Variants in KIRREL1 observed in about 807,000 individuals in gnomAD.
The protein encoded by KIRREL1 is kin of IRRE-like protein 1.
KIRREL1 carries 25 observed loss-of-function variants against 83.3 expected under a neutral mutation model. The ratio of observed to expected loss-of-function variants is 0.30; its 90% CI spans 0.22 to 0.42. KIRREL1 has a LOEUF of 0.42. Ranked by LOEUF, KIRREL1 falls within the 10% of genes least tolerant of loss-of-function variation. The pLI, the probability that KIRREL1 is intolerant of heterozygous loss-of-function variation, is 1.00. For synonymous variants in KIRREL1, 388 were observed against 410.4 expected (o/e 0.95, Z 0.66); for missense variants, 812 against 1,032.3 (o/e 0.79, Z 2.92).
At chr1:158,000,064 G>GT (rs201110334) in intron 1 of KIRREL1, among the ~76,000 whole-genome samples, 2 of 111,208 alleles carry the variant, frequency 1.8e-5, no homozygotes, top group East Asian at 4.3e-4. Context: ...CAGGAAAGAT[G>GT]GGGTGGGGGC....
At chr1:158,090,187 C>A (rs1662153579) in intron 10 of KIRREL1, among the ~76,000 whole-genome samples, 1 of 152,062 alleles carries the variant, frequency 6.6e-6, no homozygotes, top group Non-Finnish European at 1.5e-5. Flanking sequence ...CACTTCCCCT[C>A]TTTTCTCCCT....
intron 1 of KIRREL1, among the ~76,000 whole-genome samples, chr1:158,003,247 C>T (rs2101624339): frequency 6.6e-6 from 1 of 152,226 alleles, no homozygotes; most frequent in East Asian, 1.9e-4. Context: ...CAGAGATGGG[C>T]AGGCAGGGCA....
At chr1:158,042,264 G>A (rs1425330736) in intron 1 of KIRREL1, among the ~76,000 whole-genome samples, 3 of 148,914 alleles carry the variant, frequency 2.0e-5, no homozygotes, top group Non-Finnish European at 4.4e-5. Flanking sequence ...ACTCAGACCT[G>A]GTAACTAAAT....
intron 1 of KIRREL1, among the ~76,000 whole-genome samples, chr1:158,040,886 C>G (rs1660606323): frequency 6.6e-6 from 1 of 150,970 alleles, no homozygotes; most frequent in Admixed American, 6.6e-5. Flanking sequence ...TTATTATCAA[C>G]AACAAGGAAA....
chr1:158,094,433 C>T lies in KIRREL1; in HGVS notation c.1797+43C>T, dbSNP rs1330437058. The stretch of plus-strand genomic sequence containing the variant: ...GGCCAGGGCATGAGGGCTGGTGGGC[C>T]AGTGGGTTTCTGAGGTCCTGTAGCG... On this transcript the variant is annotated intron_variant, in intron 14 of 14. Coordinates refer to ENST00000359209, the MANE Select transcript of KIRREL1 (RefSeq NM_018240.7). The surrounding 1 kb of genome is among the most constrained non-coding windows in gnomAD (Gnocchi z 4.6). The T allele has an allele frequency of 1.3e-6, 2 of 1,579,856 alleles. No homozygotes were observed. Among genetic ancestry groups the T allele is most frequent in the East Asian group, 2.2e-5 (1 of 44,564 alleles).
intron 1 of KIRREL1, among the ~76,000 whole-genome samples, chr1:158,019,137 G>A (rs1659926927): frequency 1.3e-5 from 2 of 152,104 alleles, no homozygotes; most frequent in Admixed American, 6.5e-5. Flanking sequence ...TAGCGGACAC[G>A]GAACAAGGGC....
chr1:158,045,897 C>T (rs925793227), intron 1 of KIRREL1, among the ~76,000 whole-genome samples: 1 of 152,154 alleles, frequency 6.6e-6, no homozygotes, highest in Admixed American at 6.5e-5. Context: ...GGAAGTTCCA[C>T]GAGTTTAAAA....
chr1:158,075,551 A>G (rs1280916391), intron 1 of KIRREL1, among the ~76,000 whole-genome samples: 1 of 152,234 alleles, frequency 6.6e-6, no homozygotes, highest in Non-Finnish European at 1.5e-5. Flanking sequence ...TGCTGGCTTT[A>G]TAGTATCTAC....
intron 1 of KIRREL1, among the ~76,000 whole-genome samples, chr1:158,001,950 C>T (rs1659372422): frequency 6.6e-6 from 1 of 152,164 alleles, no homozygotes; most frequent in African/African-American, 2.4e-5. Context: ...TCTCACTTCT[C>T]ACCAAAGCCT....
chr1:158,015,755 C>G (rs1371082071), intron 1 of KIRREL1, among the ~76,000 whole-genome samples: 1 of 152,136 alleles, frequency 6.6e-6, no homozygotes, highest in African/African-American at 2.4e-5. Flanking sequence ...CCTTGTAGTT[C>G]ATCTCTGATG....
chr1:158,023,663 G>A (rs7527746), intron 1 of KIRREL1, among the ~76,000 whole-genome samples: 4,149 of 152,168 alleles, frequency 0.027, 197 homozygotes, highest in African/African-American at 0.094. Context: ...TTAATATCCT[G>A]GGTGCACCGG....
intron 1 of KIRREL1, among the ~76,000 whole-genome samples, chr1:158,056,116 G>GC (rs774579262): frequency 1.7e-3 from 255 of 152,094 alleles, no homozygotes; most frequent in Admixed American, 2.6e-3. Flanking sequence ...TACACTCCTC[G>GC]CCCCCCCTCA....
At chr1:158,051,339 C>T (rs1660905067) in intron 1 of KIRREL1, among the ~76,000 whole-genome samples, 2 of 152,198 alleles carry the variant, frequency 1.3e-5, no homozygotes, top group Admixed American at 6.5e-5. Context: ...ACTTCTAGTT[C>T]TATCATCTAT....
rs1484568870 is a variant in KIRREL1 at position 158,084,555 on chromosome 1, G to A, written c.486G>A (p.Gln162=). The change falls in exon 4 of 15, where the codon CAG becomes CAA. Residue 162 remains glutamine, a synonymous_variant. Coordinates refer to ENST00000359209, the MANE Select transcript of KIRREL1 (RefSeq NM_018240.7). ...ATIIWFRDGT[Q]QEGAVASTEL... ...TCATCTGGTTCCGGGACGGGACGCA[G>A]CAGGAGGGCGCTGTGGCCAGCACGG... 2 of 1,551,728 alleles carry A rather than the reference G, an allele frequency of 1.3e-6. No individual in the cohort carries two copies. The highest frequency in any genetic ancestry group is 1.7e-4 in the Middle Eastern group (1 of 5,992).
intron 1 of KIRREL1, among the ~76,000 whole-genome samples, chr1:158,051,532 T>G (rs1302255591): frequency 6.6e-6 from 1 of 152,190 alleles, no homozygotes; most frequent in Non-Finnish European, 1.5e-5. Context: ...ACATCAACAC[T>G]AGAGTAACTC....
intron 8 of KIRREL1, among the ~76,000 whole-genome samples, chr1:158,089,117 C>T (rs1662112577): frequency 6.6e-6 from 1 of 152,130 alleles, no homozygotes; most frequent in Non-Finnish European, 1.5e-5. Flanking sequence ...GAGTCTACAG[C>T]TCTGCAGAGA....
At chr1:158,007,843 C>T (rs778062638) in intron 1 of KIRREL1, among the ~76,000 whole-genome samples, 4 of 151,998 alleles carry the variant, frequency 2.6e-5, no homozygotes, top group Admixed American at 6.5e-5. Flanking sequence ...GCCCCCGAGC[C>T]GGATGCTCCC....
At position 158,097,462 on chromosome 1, in the gene KIRREL1, G is replaced by A. The variant is rs1372854913; in HGVS notation, c.*2342G>A. 4.7e-6 allele frequency: 1 copy of A among 211,470 alleles called. No individual in the cohort carries two copies. Among genetic ancestry groups the A allele is most frequent in the African/African-American group, 2.4e-5 (1 of 42,228 alleles). 13.1% of individuals were successfully genotyped at this position (211,470 alleles called of 1,614,324 possible). ...ACTAGGTAATTGAGCTGATGGTGCA[G>A]GGAGAATTGTTGAGAAAGGAAGCCT... is the stretch of plus-strand genomic sequence containing the variant. On this transcript the variant is annotated 3_prime_UTR_variant, in exon 15 of 15. Transcript: ENST00000359209.
chr1:158,063,608 T>G lies in KIRREL1; in HGVS notation c.53-12505T>G, dbSNP rs73022675. Among the ~76,000 whole-genome samples, 189 of 152,224 alleles carry G rather than the reference T, an allele frequency of 1.2e-3. 1 individual carries two copies. Among genetic ancestry groups the G allele is most frequent in the African/African-American group, 4.4e-3 (184 of 41,570 alleles). Reference sequence around the variant, plus strand: ...TGCCCATCCCATCAAGCACACTGTTTGGCTTCCAGGAGAGCTGTGCTCAAC... The same window carrying G: ...TGCCCATCCCATCAAGCACACTGTTGGGCTTCCAGGAGAGCTGTGCTCAAC... On this transcript the variant is annotated intron_variant, in intron 1 of 14. Coordinates refer to ENST00000359209, the MANE Select transcript of KIRREL1 (RefSeq NM_018240.7).
Sources: allele counts gnomAD v4.1 joint callset (sites outside exome capture counted in the v4.1 genomes callset), GRCh38; gene constraint gnomAD v4.1.1; non-coding constraint Gnocchi (gnomAD v3.1); transcripts MANE v1.5; gene names NCBI Gene and HGNC (gene_info 2026-07-23, HGNC 2026-07-21).